PATJ: variants seen among roughly 807,000 people sequenced by gnomAD.
PATJ encodes inaD-like protein.
PATJ carries 190 observed loss-of-function variants against 224.9 expected under a neutral mutation model. The ratio of observed to expected loss-of-function variants is 0.84; its 90% CI spans 0.75 to 0.95. The LOEUF is 0.95. PATJ is among the 40% of genes least tolerant of loss of function. The probability of loss-of-function intolerance (pLI) is 0.00; values close to 1 mark genes in which losing one functional copy is unlikely to be tolerated. For missense variants in PATJ, 2,121 were observed against 2,270.3 expected, an observed-to-expected ratio of 0.93 and a Z score of 1.34; for synonymous variants, 769 against 820.3, an observed-to-expected ratio of 0.94 and a Z score of 1.07.
chr1:61,869,143 G>A (rs1429240399), intron 20 of PATJ, among the ~76,000 whole-genome samples: 22 of 121,756 alleles, frequency 1.8e-4, no homozygotes, highest in Non-Finnish European at 3.6e-4. Context: ...GTCTCGCTCT[G>A]TCGCCCAGGC....
chr1:61,806,345 C>T (rs1034066932), intron 13 of PATJ, among the ~76,000 whole-genome samples: 1 of 152,110 alleles, frequency 6.6e-6, no homozygotes, highest in Admixed American at 6.5e-5. Context: ...CAAGGCCGGG[C>T]GCGGTGGCTC....
intron 41 of PATJ, among the ~76,000 whole-genome samples, chr1:62,133,220 AT>A (rs1267246052): frequency 3.3e-5 from 5 of 151,502 alleles, no homozygotes; most frequent in Non-Finnish European, 7.4e-5. Flanking sequence ...CAAGTGTTGA[AT>A]TTTTTTTATC....
chr1:61,744,023 G>A (rs1050369429), intron 1 of PATJ, among the ~76,000 whole-genome samples: 2 of 152,104 alleles, frequency 1.3e-5, no homozygotes, highest in Admixed American at 1.3e-4. Flanking sequence ...GTTATGGAGA[G>A]CATCTTATCA....
intron 27 of PATJ, among the ~76,000 whole-genome samples, chr1:61,931,622 G>C (rs914957295): frequency 2.6e-5 from 4 of 152,104 alleles, no homozygotes; most frequent in African/African-American, 9.7e-5. Context: ...AAATTAACTG[G>C]GTATGGTGGT....
intron 29 of PATJ, among the ~76,000 whole-genome samples, chr1:62,022,054 A>G (rs1647115926): frequency 6.6e-6 from 1 of 152,200 alleles, no homozygotes; most frequent in African/African-American, 2.4e-5. Flanking sequence ...TTTCAAATGT[A>G]TTGACAATTG....
At chr1:62,073,837 G>GAGAGC (rs1242688821) in intron 31 of PATJ, among the ~76,000 whole-genome samples, 1 of 152,102 alleles carries the variant, frequency 6.6e-6, no homozygotes, top group Non-Finnish European at 1.5e-5. Context: ...AAAAATTTCT[G>GAGAGC]AGAGCACCAT....
chr1:62,105,990 A>G (rs1570617842), intron 33 of PATJ, among the ~76,000 whole-genome samples: 2 of 136,666 alleles, frequency 1.5e-5, no homozygotes, highest in Admixed American at 1.5e-4. Flanking sequence ...TCCCAGGATG[A>G]GGCAGGAGAA....
At chr1:62,159,165 T>G (rs1669597256) in intron 43 of PATJ, among the ~76,000 whole-genome samples, 1 of 152,172 alleles carries the variant, frequency 6.6e-6, no homozygotes, top group African/African-American at 2.4e-5. Context: ...ACACATTACT[T>G]TCTTAAAAGA....
At chr1:61,969,937 G>A (rs953543898) in intron 27 of PATJ, among the ~76,000 whole-genome samples, 3 of 151,904 alleles carry the variant, frequency 2.0e-5, no homozygotes, top group South Asian at 4.2e-4. Flanking sequence ...CAAGTGATCC[G>A]CCCGCCTCGG....
chr1:62,156,075 AAAAAAGAATATTCCAATAGGGCAG>A (rs1669178521), intron 43 of PATJ, among the ~76,000 whole-genome samples: 1 of 149,688 alleles, frequency 6.7e-6, no homozygotes, highest in Admixed American at 6.7e-5. Context: ...AAAAAAAAAA[AAAAAAGAATATTCCAATAGGGCAG>A]GACATGGTGG....
At chr1:62,137,031 A>G (rs185629159) in intron 41 of PATJ, among the ~76,000 whole-genome samples, 3 of 152,276 alleles carry the variant, frequency 2.0e-5, no homozygotes, top group Admixed American at 1.3e-4. Context: ...TGACTTCTCA[A>G]TTCTCCAAAA....
intron 17 of PATJ, among the ~76,000 whole-genome samples, chr1:61,855,611 C>T (rs776653080): frequency 3.3e-5 from 5 of 152,096 alleles, no homozygotes; most frequent in Non-Finnish European, 5.9e-5. Context: ...GATGGGATTT[C>T]GTCATGTTGT....
chr1:61,996,810 T>A lies in PATJ; in HGVS notation c.3867+6446T>A, dbSNP rs550638870. 4.7e-5 allele frequency among the ~76,000 whole-genome samples: 7 copies of A among 149,852 alleles called. No individual in the cohort carries two copies. In the South Asian group the frequency reaches 1.5e-3, roughly 32 times the overall value. ...CAGGCTGGAGTACAGTGGCACAATC[T>A]TGGCTCACAGCAACCTCTGCTTCCT... On this transcript the variant is annotated intron_variant, in intron 28 of 43. Coordinates refer to ENST00000642238, the MANE Select transcript of PATJ (RefSeq NM_001350145.3).
rs1371365757 is a variant in PATJ, at chr1:61,856,051, T to G, written c.2134T>G (p.Ser712Ala). 6 of 1,613,928 alleles carry G rather than the reference T, an allele frequency of 3.7e-6. No homozygotes were observed. Among genetic ancestry groups the G allele is most frequent in the African/African-American group, 2.7e-5 (2 of 74,918 alleles). ...DYQDPLDPTR[S>A]VIVIRSLVAD... ...ACAGGACCCTTTAGATCCTACAAGA[T>G]CAGTGATTGTGATCCGCTCCCTGGT... The change falls in exon 18 of 44, where the codon TCA (serine) becomes GCA (alanine). Residue 712 changes from serine (S) to alanine (A), a missense_variant. Coordinates refer to ENST00000642238, the MANE Select transcript of PATJ (RefSeq NM_001350145.3).
At chr1:62,137,291 A>G (rs989090340) in intron 41 of PATJ, among the ~76,000 whole-genome samples, 1 of 150,254 alleles carries the variant, frequency 6.7e-6, no homozygotes, top group East Asian at 2.0e-4. Context: ...GGCACAAATT[A>G]AGGAAATTCA....
At chr1:62,088,834 AATATATAGAACATAT>A (rs2148780059) in intron 33 of PATJ, among the ~76,000 whole-genome samples, 1 of 147,700 alleles carries the variant, frequency 6.8e-6, no homozygotes, top group South Asian at 2.1e-4. Flanking sequence ...ATATATATAG[AATATATAGAACATAT>A]ATATATAGAA....
intron 30 of PATJ, among the ~76,000 whole-genome samples, chr1:62,040,082 G>A (rs1329175826): frequency 6.6e-6 from 1 of 151,590 alleles, no homozygotes; most frequent in African/African-American, 2.4e-5. Flanking sequence ...GGTAAAAGGC[G>A]ATACTGGCAT....
chr1:62,057,403 CA>C (rs1654729708), intron 31 of PATJ, among the ~76,000 whole-genome samples: 1 of 152,174 alleles, frequency 6.6e-6, no homozygotes, highest in Non-Finnish European at 1.5e-5. Flanking sequence ...CCATGTTAAG[CA>C]CTGTGATCTC....
intron 34 of PATJ, among the ~76,000 whole-genome samples, chr1:62,110,612 T>C (rs899973548): frequency 5.9e-5 from 9 of 152,322 alleles, no homozygotes; most frequent in Admixed American, 2.0e-4. Context: ...GTCTCCTTTC[T>C]GGTTCTCCTT....
Sources: gnomAD v4.1 joint callset for allele counts (sites outside exome capture counted in the v4.1 genomes callset) on GRCh38, gnomAD v4.1.1 for gene constraint, MANE v1.5 for transcripts, NCBI Gene and HGNC (gene_info 2026-07-23, HGNC 2026-07-21) for gene names.